The following GALNT11 variants were observed in gnomAD, a reference collection of about 807,000 sequenced individuals.
GALNT11 encodes polypeptide N-acetylgalactosaminyltransferase 11, also known as UDP-GalNAc:polypeptide N-acetylgalactosaminyltransferase 11.
GALNT11 carries 47 observed loss-of-function variants against 72.7 expected under a neutral mutation model. The observed-to-expected ratio is 0.65, with a 90% CI of 0.51 to 0.82. The LOEUF (loss-of-function observed/expected upper bound fraction) is 0.82, where lower values mean the gene tolerates loss of function less well. Among genes scored for constraint, GALNT11 ranks in the 40% least tolerant of loss-of-function variants. The pLI, the probability that GALNT11 is intolerant of heterozygous loss-of-function variation, is 0.00. For synonymous variants in GALNT11, 270 were observed against 286.6 expected, an observed-to-expected ratio of 0.94 and a Z score of 0.58; for missense variants, 677 against 778.4, an observed-to-expected ratio of 0.87 and a Z score of 1.55.
intron 1 of GALNT11, among the ~76,000 whole-genome samples, chr7:152,051,206 T>TG (rs1476914251): frequency 4.0e-4 from 59 of 146,434 alleles, no homozygotes; most frequent in African/African-American, 1.4e-3. Context: ...GTTGTTTTTT[T>TG]TTTTTTTTTT....
intron 9 of GALNT11, 138 bp from the exon 10 acceptor site, chr7:152,118,539 TA>T: frequency 1.5e-6 from 1 of 684,946 alleles, no homozygotes; most frequent in Non-Finnish European, 2.4e-6. Context: ...ACTTAGGAAT[TA>T]AAAATGCATA....
At chr7:152,030,048 G>A (rs2082231397) in intron 1 of GALNT11, among the ~76,000 whole-genome samples, 1 of 152,246 alleles carries the variant, frequency 6.6e-6, no homozygotes, top group Non-Finnish European at 1.5e-5. Context: ...GGAATAGGGT[G>A]TAGGGTCCAG....
intron 1 of GALNT11, among the ~76,000 whole-genome samples, chr7:152,069,802 CA>C (rs1231613013): frequency 6.6e-6 from 1 of 152,026 alleles, no homozygotes; most frequent in Non-Finnish European, 1.5e-5. Context: ...CTTTATAGTT[CA>C]AGTTGGTTTC....
At chr7:152,063,358 CTTCA>C (rs1048513869) in intron 1 of GALNT11, among the ~76,000 whole-genome samples, 2 of 151,912 alleles carry the variant, frequency 1.3e-5, no homozygotes, top group African/African-American at 4.8e-5. Context: ...TCTCTTTTTT[CTTCA>C]TTAGTCTTGC....
In GALNT11 at chr7:152,117,180, T is replaced by C. The variant is rs776683394; in HGVS notation, c.1257T>C (p.Pro419=). Residue 419 remains proline (P), a synonymous_variant, in exon 9 of 12, where the codon CCT becomes CCC. Transcript: ENST00000430044. ...AGGAGCAGTATTTTTCCTTAAGACC[T>C]GACCTGAAGACGAAAAGCTATGGCA... ...EYKEQYFSLR[P]DLKTKSYGNI... is the part of the protein sequence containing the mutation. 6.2e-7 allele frequency: 1 copy of C among 1,609,258 alleles called. No homozygotes were observed. The highest frequency in any genetic ancestry group is 2.2e-5 in the East Asian group (1 of 44,876).
chr7:152,071,626 G>A (rs2084655263), intron 1 of GALNT11, among the ~76,000 whole-genome samples: 1 of 152,144 alleles, frequency 6.6e-6, no homozygotes, highest in Non-Finnish European at 1.5e-5. Context: ...GTAAAGACAG[G>A]CATAGGAAAT....
At chr7:152,115,546 C>T (rs187213621) in intron 8 of GALNT11, among the ~76,000 whole-genome samples, 50 of 152,244 alleles carry the variant, frequency 3.3e-4, no homozygotes, top group Non-Finnish European at 5.4e-4. Context: ...GAGTTATGGG[C>T]GGAGCTAGCG....
chr7:152,113,778 C>T (rs998461792), intron 8 of GALNT11, among the ~76,000 whole-genome samples: 1 of 118,546 alleles, frequency 8.4e-6, no homozygotes, highest in African/African-American at 3.2e-5. Context: ...GCTTTGTCAC[C>T]CAGGCAGGAG....
intron 1 of GALNT11, among the ~76,000 whole-genome samples, chr7:152,084,380 T>TAAAA (rs11447244): frequency 5.7e-5 from 6 of 105,338 alleles, no homozygotes; most frequent in African/African-American, 2.2e-4. Context: ...CCTGTCTCTT[T>TAAAA]AAAAAAAAAA....
intron 1 of GALNT11, among the ~76,000 whole-genome samples, chr7:152,085,325 C>A (rs2085574860): frequency 6.6e-6 from 1 of 152,148 alleles, no homozygotes; most frequent in Admixed American, 6.5e-5. Flanking sequence ...AACTGGTTAG[C>A]CTTTTATTCA....
chr7:152,029,709 T>C (rs2082212929), intron 1 of GALNT11, among the ~76,000 whole-genome samples: 1 of 152,274 alleles, frequency 6.6e-6, no homozygotes, highest in Non-Finnish European at 1.5e-5. Flanking sequence ...ACTCTGCTTC[T>C]ACAGTTCCCT....
chr7:152,055,611 G>C (rs1277356494), intron 1 of GALNT11, among the ~76,000 whole-genome samples: 2 of 145,710 alleles, frequency 1.4e-5, no homozygotes, highest in Non-Finnish European at 3.0e-5. Context: ...CCAGGTATTT[G>C]GTACTTTTTG....
chr7:152,093,383 C>G (rs565695073), intron 1 of GALNT11, among the ~76,000 whole-genome samples: 41 of 151,902 alleles, frequency 2.7e-4, no homozygotes, highest in Non-Finnish European at 5.1e-4. Flanking sequence ...GCAGGCATAA[C>G]CTTTGATTGG....
At chr7:152,086,257 T>G (rs1396023745) in intron 1 of GALNT11, among the ~76,000 whole-genome samples, 2 of 152,074 alleles carry the variant, frequency 1.3e-5, no homozygotes, top group Non-Finnish European at 2.9e-5. Context: ...ACTCCAGATC[T>G]CAGGTGATCT....
chr7:152,073,787 A>T (rs562033609), intron 1 of GALNT11, among the ~76,000 whole-genome samples: 23 of 152,300 alleles, frequency 1.5e-4, no homozygotes, highest in Non-Finnish European at 2.6e-4. Flanking sequence ...TTTTCTCTGC[A>T]TCCTCCCCAG....
At chr7:152,120,124 G>A (rs1419778308) in intron 10 of GALNT11, 4 of 152,244 alleles carry the variant, frequency 2.6e-5, no homozygotes, top group South Asian at 2.1e-4. Context: ...CACATTTCAA[G>A]TGTACAATAG....
intron 1 of GALNT11, among the ~76,000 whole-genome samples, chr7:152,033,237 G>A (rs1485286656): frequency 2.9e-4 from 44 of 152,298 alleles, no homozygotes; most frequent in East Asian, 1.7e-3. Context: ...CTTGTTTCTC[G>A]TTGGACAATC....
chr7:152,079,885 A>G (rs1161499935), intron 1 of GALNT11, among the ~76,000 whole-genome samples: 1 of 152,152 alleles, frequency 6.6e-6, no homozygotes, highest in East Asian at 1.9e-4. Flanking sequence ...GCTAATAAAT[A>G]TTTGCTGTTT....
intron 1 of GALNT11, among the ~76,000 whole-genome samples, chr7:152,093,690 A>G (rs945980629): frequency 1.3e-5 from 2 of 152,036 alleles, no homozygotes; most frequent in African/African-American, 4.8e-5. Flanking sequence ...CAGCCTCCCA[A>G]AGTGCTGGGA....
Sources: gnomAD v4.1 joint callset for allele counts (sites outside exome capture counted in the v4.1 genomes callset) on GRCh38, gnomAD v4.1.1 for gene constraint, MANE v1.5 for transcripts, NCBI Gene and HGNC (gene_info 2026-07-23, HGNC 2026-07-21) for gene names.